The following PHF11 variants were observed in gnomAD, a reference collection of about 807,000 sequenced individuals.
PHF11 encodes BRCA1 C-terminus-associated protein.
A neutral mutation model predicts 40.5 loss-of-function variants in PHF11; 38 were observed. That is an observed-to-expected ratio of 0.94 (90% confidence interval 0.72 to 1.23). The LOEUF is 1.23. Ranked by LOEUF, PHF11 falls within the 50% of genes most tolerant of loss-of-function variation. The pLI is 0.00. For missense variants in PHF11, 369 were observed against 392.4 expected (o/e 0.94, Z 0.50); for synonymous variants, 127 against 138.2 (o/e 0.92, Z 0.57).
intron 1 of PHF11, among the ~76,000 whole-genome samples, chr13:49,506,043 G>A (rs1364919768): frequency 6.6e-6 from 1 of 152,070 alleles, no homozygotes; most frequent in East Asian, 1.9e-4. Context: ...TATGGGCAAA[G>A]CAGTGTTTTG....
intron 2 of PHF11, among the ~76,000 whole-genome samples, chr13:49,509,997 C>G (rs1293308410): frequency 6.6e-6 from 1 of 151,998 alleles, no homozygotes; most frequent in Non-Finnish European, 1.5e-5. Context: ...GAGGTTTCAC[C>G]TGTTGTACTA....
At chr13:49,497,936 A>T (rs1594195877) in intron 1 of PHF11, among the ~76,000 whole-genome samples, 2 of 152,254 alleles carry the variant, frequency 1.3e-5, no homozygotes, top group South Asian at 4.1e-4. Context: ...CTGCTCATAT[A>T]CATCTTCCCT....
At chr13:49,507,917 G>A (rs1959027646) in intron 2 of PHF11, among the ~76,000 whole-genome samples, 1 of 152,076 alleles carries the variant, frequency 6.6e-6, no homozygotes, top group African/African-American at 2.4e-5. Context: ...ACTGAGGGAC[G>A]ACTGCACTAT....
chr13:49,501,007 T>TTTTG (rs1367137246), intron 1 of PHF11, among the ~76,000 whole-genome samples: 2 of 122,538 alleles, frequency 1.6e-5, no homozygotes, highest in African/African-American at 3.9e-5. Flanking sequence ...TTTGTTTTTT[T>TTTTG]TTTTTTTTGG....
intron 8 of PHF11, among the ~76,000 whole-genome samples, chr13:49,525,279 G>A (rs1487686587): frequency 2.0e-5 from 3 of 152,060 alleles, no homozygotes; most frequent in Middle Eastern, 3.2e-3. Flanking sequence ...GCAGAGTCTC[G>A]CTCTCTCTCC....
At chr13:49,507,532 T>C (rs561315992) in intron 2 of PHF11, among the ~76,000 whole-genome samples, 2 of 152,314 alleles carry the variant, frequency 1.3e-5, no homozygotes, top group Admixed American at 6.5e-5. Context: ...GCAGAATTGT[T>C]AGGCACAGGA....
intron 1 of PHF11, among the ~76,000 whole-genome samples, chr13:49,503,703 C>T (rs1958939602): frequency 6.6e-6 from 1 of 152,148 alleles, no homozygotes; most frequent in Non-Finnish European, 1.5e-5. Context: ...TTATTAGCTT[C>T]ACCTGTTTCT....
chr13:49,509,931 A>G (rs1056403273), intron 2 of PHF11, among the ~76,000 whole-genome samples: 2 of 152,238 alleles, frequency 1.3e-5, no homozygotes, highest in African/African-American at 4.8e-5. Context: ...ATAACAATAT[A>G]AACGTCAAAA....
At chr13:49,519,894 A>G (rs1014425105) in intron 4 of PHF11, among the ~76,000 whole-genome samples, 2 of 152,226 alleles carry the variant, frequency 1.3e-5, no homozygotes, top group Non-Finnish European at 2.9e-5. Context: ...CTGGTATAAG[A>G]TGGGAAGAAA....
At chr13:49,496,341 G>A (rs1958807765) in intron 1 of PHF11, 3 of 1,072,152 alleles carry the variant, frequency 2.8e-6, no homozygotes, top group Non-Finnish European at 3.5e-6. Flanking sequence ...GACTGCCCAT[G>A]GTTTCGCGCG....
intron 9 of PHF11, among the ~76,000 whole-genome samples, chr13:49,527,649 T>TA (rs1959364534): frequency 6.6e-6 from 1 of 152,210 alleles, no homozygotes; most frequent in South Asian, 2.1e-4. Flanking sequence ...AAAGCAGCCT[T>TA]AAAAATTTTT....
intron 1 of PHF11, among the ~76,000 whole-genome samples, chr13:49,496,830 CT>C (rs34505707): frequency 0.052 from 4,591 of 87,902 alleles, 108 homozygotes; most frequent in South Asian, 0.13. Flanking sequence ...TGGGCTTACC[CT>C]TTTTTTTTTT....
chr13:49,513,634 A>T (rs1468012631), intron 3 of PHF11, among the ~76,000 whole-genome samples: 1 of 119,694 alleles, frequency 8.4e-6, no homozygotes, highest in Non-Finnish European at 2.0e-5. Context: ...CCCGGCCAAC[A>T]TTTAATATTT....
At chr13:49,520,763 C>CAAA in intron 4 of PHF11, 131 bp from the exon 5 acceptor site, 22 of 514,666 alleles carry the variant, frequency 4.3e-5, no homozygotes, top group South Asian at 8.5e-5. Flanking sequence ...CACAGGGCTT[C>CAAA]AAAAAAAAAA....
chr13:49,510,217 G>A (rs1959064839), intron 2 of PHF11, among the ~76,000 whole-genome samples: 1 of 152,036 alleles, frequency 6.6e-6, no homozygotes, highest in Non-Finnish European at 1.5e-5. Context: ...GTAGAGATGG[G>A]GTTTTGCCAT....
intron 1 of PHF11, among the ~76,000 whole-genome samples, chr13:49,503,581 C>T (rs1421343719): frequency 6.6e-6 from 1 of 152,190 alleles, no homozygotes; most frequent in Non-Finnish European, 1.5e-5. Context: ...GCTTTAAGCA[C>T]AGAATACACA....
intron 4 of PHF11, among the ~76,000 whole-genome samples, chr13:49,519,988 G>A (rs954776193): frequency 9.2e-5 from 14 of 152,174 alleles, no homozygotes; most frequent in Admixed American, 2.6e-4. Context: ...TGGGTGCCGA[G>A]GAGGAGGAAA....
intron 2 of PHF11, among the ~76,000 whole-genome samples, chr13:49,508,641 A>C (rs970442176): frequency 6.6e-6 from 1 of 151,922 alleles, no homozygotes; most frequent in African/African-American, 2.4e-5. Context: ...CTCATCCAGC[A>C]ACCTTACCAA....
chr13:49,502,818 G>A (rs1010497595), intron 1 of PHF11, among the ~76,000 whole-genome samples: 1 of 152,084 alleles, frequency 6.6e-6, no homozygotes, highest in Admixed American at 6.5e-5. Context: ...TGCCTCCCAG[G>A]TCCAAGGGAT....
Sources: gnomAD v4.1 joint callset for allele counts (sites outside exome capture counted in the v4.1 genomes callset) on GRCh38, gnomAD v4.1.1 for gene constraint, MANE v1.5 for transcripts, NCBI Gene and HGNC (gene_info 2026-07-23, HGNC 2026-07-21) for gene names.